Variants in KRT8 observed in about 807,000 individuals in gnomAD.
KRT8 encodes the protein keratin 8, also known as keratin, type II cytoskeletal 8.
Under a neutral mutation model 43.0 loss-of-function variants are expected in KRT8, and 24 were observed. That is an observed-to-expected ratio of 0.56 (90% CI 0.40 to 0.78). The LOEUF (loss-of-function observed/expected upper bound fraction) is 0.78. Ranked by LOEUF, KRT8 falls within the 30% of genes least tolerant of loss-of-function variation. The pLI is 0.00. For synonymous variants in KRT8, 214 were observed against 261.2 expected (o/e 0.82, Z 1.74); for missense variants, 492 against 638.4 (o/e 0.77, Z 2.47).
chr12:52,901,402 TG>T, intron 2 of KRT8, 183 bp from the exon 3 acceptor site: 1 of 647,194 alleles, frequency 1.5e-6, no homozygotes, highest in Non-Finnish European at 2.8e-6. Flanking sequence ...CCTTAGCCCG[TG>T]GGAAGCAGGA....
chr12:52,946,035 C>T (rs1942338793), intron 2 of KRT8, among the ~76,000 whole-genome samples: 1 of 152,132 alleles, frequency 6.6e-6, no homozygotes, highest in African/African-American at 2.4e-5. Context: ...AGCCCGAGGT[C>T]GGTATTTGCC....
chr12:52,928,670 C>T (rs180786441), intron 2 of KRT8, among the ~76,000 whole-genome samples: 2 of 152,106 alleles, frequency 1.3e-5, no homozygotes, highest in Admixed American at 6.6e-5. Flanking sequence ...TTTGGGAGTC[C>T]GAGGTGTGTG....
At chr12:52,934,900 C>T (rs1314305621) in intron 2 of KRT8, among the ~76,000 whole-genome samples, 1 of 151,752 alleles carries the variant, frequency 6.6e-6, no homozygotes, top group Non-Finnish European at 1.5e-5. Context: ...ACCCGGGAGG[C>T]AGAGGTTGCA....
intron 2 of KRT8, among the ~76,000 whole-genome samples, chr12:52,942,727 A>AC (rs1396866641): frequency 6.7e-6 from 1 of 150,334 alleles, no homozygotes; most frequent in African/African-American, 2.5e-5. Flanking sequence ...TTTCTCTCCC[A>AC]CCCCCAGGAT....
chr12:52,928,409 C>T (rs1592180965), intron 2 of KRT8, among the ~76,000 whole-genome samples: 1 of 152,176 alleles, frequency 6.6e-6, no homozygotes, highest in Non-Finnish European at 1.5e-5. Context: ...CTTACCTCCC[C>T]TTGGAGGTGG....
chr12:52,917,683 T>C (rs1941768111), intron 2 of KRT8, among the ~76,000 whole-genome samples: 1 of 138,494 alleles, frequency 7.2e-6, no homozygotes, highest in Non-Finnish European at 1.5e-5. Flanking sequence ...CACTCCAGCC[T>C]GGGTGATAGG....
chr12:52,904,198 A>G (rs1337963755), intron 1 of KRT8, among the ~76,000 whole-genome samples: 1 of 152,160 alleles, frequency 6.6e-6, no homozygotes, highest in Non-Finnish European at 1.5e-5. Context: ...GTGCTGGCGA[A>G]GAGGCGAACC....
rs138182447 is a variant in KRT8, at chr12:52,923,647, T to C, written c.-46-18620A>G. Reference sequence around the variant, plus strand: ...GTTAGCCAGGATGGTCTCAATCTCCTGACCTCGTGATCCGCCCGCCTCGGC... The same window carrying C: ...GTTAGCCAGGATGGTCTCAATCTCCCGACCTCGTGATCCGCCCGCCTCGGC... On this transcript the variant is annotated intron_variant, in intron 2 of 6. Transcript: ENST00000546826. 1.0e-2 allele frequency among the ~76,000 whole-genome samples: 1,519 copies of C among 152,096 alleles called. 11 individuals are homozygous for C. Among genetic ancestry groups the C allele is most frequent in the Non-Finnish European group, 0.014 (967 of 67,964 alleles).
At chr12:52,948,679 A>G (rs568049740) in intron 2 of KRT8, 5 of 359,424 alleles carry the variant, frequency 1.4e-5, no homozygotes, top group Non-Finnish European at 2.5e-5. Flanking sequence ...TTTAGTAGAG[A>G]GGGGGTTTCA....
intron 2 of KRT8, among the ~76,000 whole-genome samples, chr12:52,928,170 G>A (rs1942024839): frequency 6.6e-6 from 1 of 152,200 alleles, no homozygotes; most frequent in African/African-American, 2.4e-5. Context: ...GTCAGTCTGG[G>A]AAGGCTTCCT....
At chr12:52,902,873 A>G (rs9652003) in intron 1 of KRT8, among the ~76,000 whole-genome samples, 152,066 of 152,158 alleles carry the variant, frequency 1, 75,987 homozygotes, top group Middle Eastern at 1. Flanking sequence ...TTAACCGGGC[A>G]TGGTGGCACG....
intron 2 of KRT8, chr12:52,947,623 G>A (rs1017480403): frequency 6.6e-6 from 1 of 151,962 alleles, no homozygotes; most frequent in African/African-American, 2.4e-5. Flanking sequence ...TGGGATTACA[G>A]GCACACACTG....
At chr12:52,928,197 G>A (rs1942025954) in intron 2 of KRT8, among the ~76,000 whole-genome samples, 1 of 152,202 alleles carries the variant, frequency 6.6e-6, no homozygotes, top group African/African-American at 2.4e-5. Flanking sequence ...GGATGTCTCA[G>A]GCTAAGGAAA....
intron 2 of KRT8, among the ~76,000 whole-genome samples, chr12:52,943,376 C>T (rs1020880572): frequency 3.3e-5 from 5 of 151,970 alleles, no homozygotes; most frequent in African/African-American, 9.7e-5. Context: ...GCCCCCCTTC[C>T]TTGAACCTCA....
intron 2 of KRT8, among the ~76,000 whole-genome samples, chr12:52,945,927 C>T (rs1273457193): frequency 6.6e-6 from 1 of 152,062 alleles, no homozygotes; most frequent in Non-Finnish European, 1.5e-5. Flanking sequence ...AGGCCGAGAC[C>T]TTCACCCCAG....
chr12:52,918,223 G>C lies in KRT8; in HGVS notation c.-46-13196C>G, dbSNP rs1020718280. The stretch of plus-strand genomic sequence containing the variant: ...AGAAGAACAAGAAGAAGAAGAAGAA[G>C]AAGAAGAAGAAGAAGAAGAAGAAGA... On this transcript the variant is annotated intron_variant, in intron 2 of 6. Transcript: ENST00000546826. Among the ~76,000 whole-genome samples, 36 of 150,746 alleles carry C rather than the reference G, an allele frequency of 2.4e-4. 1 individual carries two copies. Among genetic ancestry groups the C allele is most frequent in the Non-Finnish European group, 4.9e-4 (33 of 67,684 alleles).
intron 2 of KRT8, among the ~76,000 whole-genome samples, chr12:52,928,676 G>T (rs775720428): frequency 2.6e-5 from 4 of 152,200 alleles, no homozygotes; most frequent in Non-Finnish European, 5.9e-5. Flanking sequence ...AGTCCGAGGT[G>T]TGTGGATCAC....
At chr12:52,940,126 G>C (rs898084901) in intron 2 of KRT8, among the ~76,000 whole-genome samples, 1 of 151,116 alleles carries the variant, frequency 6.6e-6, no homozygotes, top group Non-Finnish European at 1.5e-5. Flanking sequence ...AGTGAAAGAC[G>C]CCAGAGACAA....
chr12:52,897,675 C>T (rs2277331), intron 7 of KRT8, 57 bp from the exon 8 acceptor site: 49,590 of 1,596,442 alleles, frequency 0.031, 1,022 homozygotes, highest in Admixed American at 0.082. Flanking sequence ...TGGCAGGCTC[C>T]ATGCCCCTTC....
Sources: allele counts gnomAD v4.1 joint callset (sites outside exome capture counted in the v4.1 genomes callset), GRCh38; gene constraint gnomAD v4.1.1; transcripts MANE v1.5; gene names NCBI Gene and HGNC (gene_info 2026-07-23, HGNC 2026-07-21).